DPH6: variants seen among roughly 807,000 people sequenced by gnomAD.
DPH6 encodes diphthamine biosynthesis 6.
In DPH6, 33 loss-of-function variants were observed where a neutral mutation model predicts 38.2. That is an observed-to-expected ratio of 0.86 (90% confidence interval 0.65 to 1.15). DPH6 has a LOEUF of 1.15. DPH6 is among the 50% of genes most tolerant of loss of function. The pLI is 0.00. For missense variants in DPH6, 325 were observed against 320.0 expected, an observed-to-expected ratio of 1.02 and a Z score of -0.12; for synonymous variants, 108 against 103.0, an observed-to-expected ratio of 1.05 and a Z score of -0.30.
chr15:35,503,915 G>T (rs185351430), intron 3 of DPH6, among the ~76,000 whole-genome samples: 2 of 151,954 alleles, frequency 1.3e-5, no homozygotes, highest in Non-Finnish European at 2.9e-5. Flanking sequence ...GTTATTTTCC[G>T]CTACGAAATA....
intron 3 of DPH6, among the ~76,000 whole-genome samples, chr15:35,308,346 C>A (rs1037897959): frequency 6.6e-6 from 1 of 151,976 alleles, no homozygotes; most frequent in Non-Finnish European, 1.5e-5. Context: ...TTAATCATTC[C>A]ACAATGTAAA....
intron 5 of DPH6, among the ~76,000 whole-genome samples, chr15:35,433,009 TAAACCTA>T (rs1298809206): frequency 2.6e-5 from 4 of 152,032 alleles, no homozygotes; most frequent in African/African-American, 9.7e-5. Context: ...ATGTACCCAC[TAAACCTA>T]AAATAAAAGT....
intron 3 of DPH6, among the ~76,000 whole-genome samples, chr15:35,258,228 G>A (rs780843976): frequency 4.6e-5 from 7 of 152,164 alleles, no homozygotes; most frequent in Non-Finnish European, 8.8e-5. Context: ...TGGTGTGAGA[G>A]GTAGGATTGG....
chr15:35,338,759 A>G (rs2052395999), intron 3 of DPH6, among the ~76,000 whole-genome samples: 1 of 152,218 alleles, frequency 6.6e-6, no homozygotes, highest in Admixed American at 6.5e-5. Flanking sequence ...ACTATTCACA[A>G]TAGCAAAGAC....
chr15:35,545,966 G>A (rs1263573236), intron 1 of DPH6, among the ~76,000 whole-genome samples, 153 bp downstream of exon 1: 1 of 152,234 alleles, frequency 6.6e-6, no homozygotes, highest in African/African-American at 2.4e-5. Context: ...GCCGGCAACA[G>A]CGAAGGCTCC....
intron 3 of DPH6, among the ~76,000 whole-genome samples, chr15:35,252,658 T>A (rs575890860): frequency 1.3e-4 from 20 of 152,278 alleles, no homozygotes; most frequent in African/African-American, 4.6e-4. Flanking sequence ...TCCTCTCCTC[T>A]CCCCATCCGG....
chr15:35,345,163 C>G (rs1476585864), intron 3 of DPH6, among the ~76,000 whole-genome samples: 2 of 151,748 alleles, frequency 1.3e-5, no homozygotes, highest in Non-Finnish European at 3.0e-5. Context: ...AAGTGGAAGG[C>G]AGCCTCATTC....
chr15:35,145,786 A>G, the DPH6 span, among the ~76,000 whole-genome samples: 1 of 152,228 alleles, frequency 6.6e-6, no homozygotes, highest in Non-Finnish European at 1.5e-5. Flanking sequence ...GCACTGTGAA[A>G]AGGATGGCTG....
intron 3 of DPH6, among the ~76,000 whole-genome samples, chr15:35,242,343 G>GC (rs2051606276): frequency 7.0e-6 from 1 of 142,430 alleles, no homozygotes; most frequent in Admixed American, 7.6e-5. Flanking sequence ...TTACACAAGA[G>GC]CCAGGACCGC....
intron 6 of DPH6, among the ~76,000 whole-genome samples, chr15:35,384,275 T>A (rs2052913163): frequency 6.6e-6 from 1 of 152,236 alleles, no homozygotes; most frequent in Non-Finnish European, 1.5e-5. Context: ...GTTTAATTTC[T>A]CAATGAATTT....
rs142170253 is a variant in DPH6 at position 35,383,394 on chromosome 15, C to T, written c.568-1478G>A. ...AATATTTCTATCACATTCATTCATT[C>T]AGTCAGTTCTTCGACAAACACTTTT... On this transcript the variant is annotated intron_variant, in intron 6 of 8. Coordinates refer to ENST00000256538, the MANE Select transcript of DPH6 (RefSeq NM_080650.4). Among the ~76,000 whole-genome samples, 211 of 152,346 alleles carry T rather than the reference C, an allele frequency of 1.4e-3. 1 individual carries two copies. The highest frequency in any genetic ancestry group is 3.5e-3 in the Admixed American group (53 of 15,308).
At chr15:35,390,337 G>A (rs377062195) in intron 6 of DPH6, among the ~76,000 whole-genome samples, 19 of 152,128 alleles carry the variant, frequency 1.2e-4, no homozygotes, top group East Asian at 7.7e-4. Flanking sequence ...TGCTCTTCTC[G>A]AGGAGTATCT....
the DPH6 span, among the ~76,000 whole-genome samples, chr15:35,205,496 A>G: frequency 6.6e-6 from 1 of 152,044 alleles, no homozygotes; most frequent in African/African-American, 2.4e-5. Context: ...AACTTGGCCA[A>G]CTTATTCTTT....
chr15:35,390,059 A>G (rs538653431), intron 6 of DPH6, among the ~76,000 whole-genome samples: 1 of 152,240 alleles, frequency 6.6e-6, no homozygotes, highest in Admixed American at 6.5e-5. Flanking sequence ...ATCTCTCAGC[A>G]TTTGGTTGTC....
intron 3 of DPH6, among the ~76,000 whole-genome samples, chr15:35,472,583 T>G (rs1304058673): frequency 6.6e-6 from 1 of 152,092 alleles, no homozygotes; most frequent in Non-Finnish European, 1.5e-5. Flanking sequence ...TGCAAGGGGC[T>G]AACAATGAGT....
At chr15:35,391,090 A>T (rs956249625) in intron 6 of DPH6, among the ~76,000 whole-genome samples, 1 of 152,028 alleles carries the variant, frequency 6.6e-6, no homozygotes, top group Non-Finnish European at 1.5e-5. Flanking sequence ...GGTCTGTTGG[A>T]CTTTACTGGA....
At chr15:35,343,437 A>AT (rs1213084179) in intron 3 of DPH6, among the ~76,000 whole-genome samples, 4 of 152,048 alleles carry the variant, frequency 2.6e-5, no homozygotes, top group Non-Finnish European at 4.4e-5. Context: ...AATCACCCTA[A>AT]TGTATAGTTA....
intron 3 of DPH6, among the ~76,000 whole-genome samples, chr15:35,222,637 T>A (rs1459386641): frequency 6.6e-6 from 1 of 152,116 alleles, no homozygotes; most frequent in African/African-American, 2.4e-5. Flanking sequence ...TGAACTGGGG[T>A]ACAGAAAAAG....
chr15:35,196,701 T>C, the DPH6 span, among the ~76,000 whole-genome samples: 1 of 152,194 alleles, frequency 6.6e-6, no homozygotes, highest in East Asian at 1.9e-4. Context: ...GTTATTTGTG[T>C]CCTTGTCTTT....
Sources: gnomAD v4.1 joint callset for allele counts (sites outside exome capture counted in the v4.1 genomes callset) on GRCh38, gnomAD v4.1.1 for gene constraint, MANE v1.5 for transcripts, NCBI Gene and HGNC (gene_info 2026-07-23, HGNC 2026-07-21) for gene names.